The following PXDN variants were observed in gnomAD, a reference collection of about 807,000 sequenced individuals.
PXDN encodes the protein peroxidasin homolog.
A neutral mutation model predicts 140.3 loss-of-function variants in PXDN; 77 were observed. That is an observed-to-expected ratio of 0.55 (90% CI 0.46 to 0.66). The LOEUF (loss-of-function observed/expected upper bound fraction) is 0.66. PXDN is among the 30% of genes least tolerant of loss of function. The probability of loss-of-function intolerance (pLI) is 0.00; values close to 1 mark genes in which losing one functional copy is unlikely to be tolerated. For synonymous variants in PXDN, 911 were observed against 857.4 expected (o/e 1.06, Z -1.09); for missense variants, 1,838 against 2,039.5 (o/e 0.90, Z 1.90).
intron 7 of PXDN, among the ~76,000 whole-genome samples, chr2:1,679,391 ATGG>A (rs1256416173): frequency 2.2e-5 from 3 of 133,530 alleles, no homozygotes; most frequent in African/African-American, 8.7e-5. Context: ...GTGTCTATAA[ATGG>A]TGGGTGGAGA....
At position 1,727,334 on chromosome 2, in the gene PXDN, T is replaced by C. The variant is rs1313854124; in HGVS notation, c.200+16922A>G. Among the ~76,000 whole-genome samples, 7 of 152,312 alleles carry C rather than the reference T, an allele frequency of 4.6e-5. No homozygotes were observed. In the East Asian group the frequency reaches 1.2e-3, roughly 25 times the overall value. ...GGCCTCATATTTCAGTTTATCGCAC[T>C]TAAATGTGCAGGATTCCATGCAAGC... On this transcript the variant is annotated intron_variant, in intron 1 of 22. Transcript: ENST00000252804.
chr2:1,736,725 C>T (rs1474665792), intron 1 of PXDN, among the ~76,000 whole-genome samples: 1 of 152,038 alleles, frequency 6.6e-6, no homozygotes, highest in Admixed American at 6.6e-5. Context: ...ATAGTCCCAG[C>T]TACTCAGGAG....
chr2:1,688,839 ATAT>A (rs1684123674), intron 3 of PXDN, among the ~76,000 whole-genome samples: 2 of 147,728 alleles, frequency 1.4e-5, no homozygotes, highest in South Asian at 4.4e-4. Flanking sequence ...AATGCTTATA[ATAT>A]TATATAATTC....
intron 21 of PXDN, among the ~76,000 whole-genome samples, chr2:1,637,251 G>A (rs528126163): frequency 3.3e-5 from 5 of 152,292 alleles, no homozygotes; most frequent in Admixed American, 6.5e-5. Flanking sequence ...GCCCCAGCAC[G>A]GACCCCAAGG....
chr2:1,680,313 C>T lies in PXDN; in HGVS notation c.610G>A (p.Ala204Thr), dbSNP rs1683864722. The T allele has an allele frequency of 1.2e-6, 2 of 1,614,040 alleles. No homozygotes were observed. The highest frequency in any genetic ancestry group is 8.5e-7 in the Non-Finnish European group (1 of 1,179,898). ...TCCGCGTAGGTTTTCAGCAAATCCG[C>T]CAACCACAGGATTTCACAGTCGCAG... ...LHCDCEILWL[A>T]DLLKTYAESG... Residue 204 changes from alanine to threonine, a missense_variant, in exon 7 of 23, where the codon GCG becomes ACG. Physicochemically the swap from Ala to Thr is moderately conservative, Grantham distance 58. This residue lies in a region of PXDN where 208 missense variants were observed against 325.8 expected (regional missense o/e 0.64). Coordinates refer to ENST00000252804, the MANE Select transcript of PXDN (RefSeq NM_012293.3).
At chr2:1,703,015 G>GGACAGCTCCAGGT (rs1684476037) in intron 1 of PXDN, among the ~76,000 whole-genome samples, 1 of 113,200 alleles carries the variant, frequency 8.8e-6, no homozygotes, top group Non-Finnish European at 1.8e-5. Context: ...GGTGAAGGGG[G>GGACAGCTCCAGGT]GACAGCTCCA....
In PXDN at chr2:1,633,535, T is replaced by C. The variant is rs1682468945; in HGVS notation, c.*669A>G. On this transcript the variant is annotated 3_prime_UTR_variant, in exon 23 of 23. Transcript: ENST00000252804. ...GCTTCGAGCAGCGGGAATGTTTGTC[T>C]TGGGATTAGATGCTGACGTGTGGTG... 1 of 151,836 alleles carries C rather than the reference T, an allele frequency of 6.6e-6. No individual in the cohort carries two copies. The highest frequency in any genetic ancestry group is 2.4e-5 in the African/African-American group (1 of 41,270). The allele number at this position is 151,836 out of a possible 1,614,324, so 9.4% of individuals were successfully genotyped here.
At chr2:1,704,744 T>C (rs1684549350) in intron 1 of PXDN, among the ~76,000 whole-genome samples, 1 of 151,932 alleles carries the variant, frequency 6.6e-6, no homozygotes, top group South Asian at 2.1e-4. Flanking sequence ...CTTGAGTTTC[T>C]GATGATCTTT....
intron 7 of PXDN, among the ~76,000 whole-genome samples, chr2:1,679,834 ATGG>A (rs1264202610): frequency 9.3e-6 from 1 of 107,466 alleles, no homozygotes; most frequent in African/African-American, 3.7e-5. Context: ...GTGTGTGTGG[ATGG>A]TGTGTGTGTG....
Position 1,639,519 on chromosome 2 carries a change from C to T in PXDN, c.3953-97G>A, listed in dbSNP as rs1359648582. The T allele has an allele frequency of 1.3e-6, 2 of 1,563,610 alleles. No individual in the cohort carries two copies. The highest frequency in any genetic ancestry group is 1.7e-5 in the Admixed American group (1 of 58,162). ...CAACTATGAAGTCTTCACTGGCTGC[C>T]CGTGGAACAAACTGTGGCACATTTC... On this transcript the variant is annotated intron_variant, in intron 19 of 22. Coordinates refer to ENST00000252804, the MANE Select transcript of PXDN (RefSeq NM_012293.3). The surrounding 1 kb of genome is among the most constrained non-coding windows in gnomAD (Gnocchi z 5.0).
chr2:1,653,651 A>G lies in PXDN; in HGVS notation c.2081T>C (p.Leu694Ser). The G allele has an allele frequency of 6.2e-7, 1 of 1,612,932 alleles. No individual in the cohort carries two copies. The highest frequency in any genetic ancestry group is 8.5e-7 in the Non-Finnish European group (1 of 1,179,604). ...ACTTGTTCCGTTGAGGTCGACCATC[A>G]AGCCATGCTGTACATGCTCCTGAAT... Reference protein sequence around the residue: ...QLIQEHVQHGLMVDLNGTSYH... With the variant: ...QLIQEHVQHGSMVDLNGTSYH... The change falls in exon 16 of 23, where the codon TTG (leucine) becomes TCG (serine). Residue 694 changes from leucine (L) to serine (S), a missense_variant. Transcript: ENST00000252804.
At chr2:1,689,363 G>C (rs929366900) in intron 3 of PXDN, among the ~76,000 whole-genome samples, 1 of 152,114 alleles carries the variant, frequency 6.6e-6, no homozygotes, top group African/African-American at 2.4e-5. Flanking sequence ...TGAGAACATC[G>C]CTTTAGACCC....
At chr2:1,744,550 G>A (rs1044902776), upstream of PXDN, 53 of 988,294 alleles carry the variant, frequency 5.4e-5, no homozygotes, top group East Asian at 1.8e-3. Context: ...CCAGCTGTGC[G>A]CGGGGGGCGG....
At chr2:1,693,266 G>A in intron 1 of PXDN, 132 bp from the exon 2 acceptor site, 2 of 672,084 alleles carry the variant, frequency 3.0e-6, no homozygotes, top group Admixed American at 2.9e-5. Context: ...CTCCTTCAAT[G>A]AATCTTCTTT....
chr2:1,676,837 TG>T, intron 8 of PXDN, 89 bp downstream of exon 8: 1 of 1,195,430 alleles, frequency 8.4e-7, no homozygotes, highest in Non-Finnish European at 1.2e-6. Context: ...AAAGTGGACG[TG>T]GGCCTTGGTG....
chr2:1,677,475 G>A (rs1683749192), intron 7 of PXDN, among the ~76,000 whole-genome samples: 1 of 152,194 alleles, frequency 6.6e-6, no homozygotes, highest in Non-Finnish European at 1.5e-5. Context: ...CAGGCAGGTG[G>A]CAGACACCAC....
chr2:1,713,525 C>T (rs2125472401), intron 1 of PXDN, among the ~76,000 whole-genome samples: 1 of 152,354 alleles, frequency 6.6e-6, no homozygotes, highest in African/African-American at 2.4e-5. Flanking sequence ...GGGCACCTGC[C>T]TCTGACAGGA....
At chr2:1,656,672 C>T (rs1295607778) in intron 14 of PXDN, among the ~76,000 whole-genome samples, 4 of 147,790 alleles carry the variant, frequency 2.7e-5, no homozygotes, top group Non-Finnish European at 3.0e-5. Flanking sequence ...TGCCCCATCC[C>T]GACTGGGACC....
intron 9 of PXDN, among the ~76,000 whole-genome samples, chr2:1,671,370 C>T (rs1683572277): frequency 6.6e-6 from 1 of 151,848 alleles, no homozygotes; most frequent in Non-Finnish European, 1.5e-5. Flanking sequence ...CTACAATAAA[C>T]ATATTTAAAT....
Sources: gnomAD v4.1 joint callset for allele counts (sites outside exome capture counted in the v4.1 genomes callset) on GRCh38, gnomAD v4.1.1 for gene constraint, gnomAD v4.1.1 regional missense constraint, Gnocchi (gnomAD v3.1) non-coding constraint, MANE v1.5 for transcripts, NCBI Gene and HGNC (gene_info 2026-07-23, HGNC 2026-07-21) for gene names.